VSIG10: variants seen among roughly 807,000 people sequenced by gnomAD.
VSIG10 encodes V-set and immunoglobulin domain containing 10, also known as V-set and immunoglobulin domain-containing protein 10.
VSIG10 carries 48 observed loss-of-function variants against 58.7 expected under a neutral mutation model. The observed-to-expected ratio is 0.82, with a 90% CI of 0.65 to 1.04. The LOEUF (loss-of-function observed/expected upper bound fraction) is 1.04, where lower values mean the gene tolerates loss of function less well. Ranked by LOEUF, VSIG10 falls within the 50% of genes least tolerant of loss-of-function variation. The pLI is 0.00. For synonymous variants in VSIG10, 260 were observed against 267.1 expected (o/e 0.97, Z 0.26); for missense variants, 628 against 670.0 (o/e 0.94, Z 0.69).
chr12:118,071,076 A>AGAAAG lies in VSIG10; in HGVS notation c.1331-14_1331-10dup. On this transcript the variant is annotated splice_polypyrimidine_tract_variant and intron_variant, in intron 6 of 8. Coordinates refer to ENST00000359236, the MANE Select transcript of VSIG10 (RefSeq NM_019086.6). ...CCTGGAAGTGTTTCCTACTGAAGAGAGAAAGGAAAAACCATTAATATCCAG... is the reference window on the plus strand; with the variant it reads ...CCTGGAAGTGTTTCCTACTGAAGAGAGAAAGGAAAGGAAAAACCATTAATATCCAG... 6.3e-7 allele frequency: 1 copy of AGAAAG among 1,594,932 alleles called. No individual in the cohort carries two copies. Among genetic ancestry groups the AGAAAG allele is most frequent in the Non-Finnish European group, 8.5e-7 (1 of 1,170,064 alleles).
intron 1 of VSIG10, among the ~76,000 whole-genome samples, chr12:118,098,624 G>C (rs529670421): frequency 3.4e-4 from 51 of 152,230 alleles, no homozygotes; most frequent in Admixed American, 9.2e-4. Flanking sequence ...AGGCCTCAGA[G>C]AAAGGGCTCC....
At chr12:118,084,737 G>T (rs2033067435) in intron 2 of VSIG10, among the ~76,000 whole-genome samples, 1 of 152,108 alleles carries the variant, frequency 6.6e-6, no homozygotes, top group African/African-American at 2.4e-5. Context: ...AAATCAGCTG[G>T]GCGTGGTAGA....
chr12:118,071,560 G>A (rs1337276401), intron 5 of VSIG10, 91 bp from the exon 6 acceptor site: 1 of 1,200,458 alleles, frequency 8.3e-7, no homozygotes, highest in South Asian at 1.3e-5. Context: ...TCCAGTTCTT[G>A]TCTTGATTCC....
intron 2 of VSIG10, among the ~76,000 whole-genome samples, chr12:118,090,533 C>T (rs1483036237): frequency 9.2e-5 from 14 of 152,140 alleles, no homozygotes; most frequent in Non-Finnish European, 2.1e-4. Flanking sequence ...ATATTTCACA[C>T]GGCCTGCCCT....
At chr12:118,078,640 G>A (rs1303083099) in intron 4 of VSIG10, among the ~76,000 whole-genome samples, 2 of 151,970 alleles carry the variant, frequency 1.3e-5, no homozygotes, top group Non-Finnish European at 2.9e-5. Flanking sequence ...ACGGAACTAT[G>A]AGCAAATAAA....
At chr12:118,100,107 C>T (rs2033584302) in intron 1 of VSIG10, among the ~76,000 whole-genome samples, 1 of 152,188 alleles carries the variant, frequency 6.6e-6, no homozygotes, top group Non-Finnish European at 1.5e-5. Context: ...CGGTGGCTCA[C>T]GCCTGTAATC....
chr12:118,065,266 C>T lies in VSIG10; in HGVS notation c.*1373G>A, dbSNP rs1398654825. 1 of 152,246 alleles carries T rather than the reference C, an allele frequency of 6.6e-6. No individual in the cohort carries two copies. Among genetic ancestry groups the T allele is most frequent in the Non-Finnish European group, 1.5e-5 (1 of 68,042 alleles). 9.4% of individuals were successfully genotyped at this position (152,246 alleles called of 1,614,324 possible). A position where few individuals can be genotyped will look rare whatever the true frequency, so the allele number is the denominator to read the frequency against. On this transcript the variant is annotated 3_prime_UTR_variant, in exon 9 of 9. Transcript: ENST00000359236. The stretch of plus-strand genomic sequence containing the variant: ...CAAGCAATTCTTATCACCAGATACT[C>T]CGTTATTAAACGTGTCTCCTGCCTT...
intron 2 of VSIG10, among the ~76,000 whole-genome samples, chr12:118,086,616 C>T (rs969246138): frequency 6.6e-6 from 1 of 151,980 alleles, no homozygotes; most frequent in Admixed American, 6.6e-5. Flanking sequence ...GCTGTGTGGC[C>T]GGGTAAGATG....
At chr12:118,075,208 ATATATGTGTGTGTGTG>A (rs2032678457) in intron 4 of VSIG10, among the ~76,000 whole-genome samples, 4 of 150,470 alleles carry the variant, frequency 2.7e-5, no homozygotes, top group Admixed American at 6.7e-5. Flanking sequence ...GTGTGTGTGT[ATATATGTGTGTGTGTG>A]TATATATATA....
intron 2 of VSIG10, among the ~76,000 whole-genome samples, chr12:118,092,615 T>C (rs751254199): frequency 1.3e-5 from 2 of 150,558 alleles, no homozygotes; most frequent in African/African-American, 2.4e-5. Context: ...CATTTCAATT[T>C]CATTTCATAT....
chr12:118,085,019 G>A (rs183520557), intron 2 of VSIG10, among the ~76,000 whole-genome samples: 7 of 152,008 alleles, frequency 4.6e-5, no homozygotes, highest in African/African-American at 9.6e-5. Flanking sequence ...ACTCCGTCTC[G>A]AACAAACAAA....
At chr12:118,068,043 T>TTTTC (rs1414581904) in intron 8 of VSIG10, among the ~76,000 whole-genome samples, 3 of 145,494 alleles carry the variant, frequency 2.1e-5, no homozygotes, top group African/African-American at 7.7e-5. Flanking sequence ...TTTTTTTTTT[T>TTTTC]TTCTGAGGCA....
intron 3 of VSIG10, among the ~76,000 whole-genome samples, chr12:118,081,484 T>C (rs574668925): frequency 6.6e-6 from 1 of 151,922 alleles, no homozygotes; most frequent in South Asian, 2.1e-4. Flanking sequence ...ACTGAGCCCA[T>C]TCAATTGTAC....
rs745877270 is a variant in VSIG10, at chr12:118,066,700, TG to T, written c.1568-7del. 15 of 1,595,920 alleles carry T rather than the reference TG, an allele frequency of 9.4e-6. No homozygotes were observed. The highest frequency in any genetic ancestry group is 1.2e-5 in the Non-Finnish European group (14 of 1,169,884). The stretch of plus-strand genomic sequence containing the variant: ...TTGCTCCTCACTGCTGTCATCTGTA[TG>T]GGGGGAAATAAACCCAATGCTTTGT... On this transcript the variant is annotated splice_polypyrimidine_tract_variant and splice_region_variant and intron_variant, in intron 8 of 8. Transcript: ENST00000359236.
intron 1 of VSIG10, among the ~76,000 whole-genome samples, chr12:118,098,785 T>A (rs1308579754): frequency 6.6e-6 from 1 of 152,202 alleles, no homozygotes; most frequent in Non-Finnish European, 1.5e-5. Context: ...AGCCGCAGCA[T>A]GTTAGAAATA....
rs201990378 is a variant in VSIG10 at position 118,073,477 on chromosome 12, GTGTATAGA to G, written c.1219+214_1219+221del. Among the ~76,000 whole-genome samples the G allele has an allele frequency of 9.8e-3, 1,491 of 152,296 alleles. 22 individuals carry two copies. Among genetic ancestry groups the G allele is most frequent in the African/African-American group, 0.034 (1,396 of 41,546 alleles). On this transcript the variant is annotated intron_variant, in intron 5 of 8. Coordinates refer to ENST00000359236, the MANE Select transcript of VSIG10 (RefSeq NM_019086.6). The stretch of plus-strand genomic sequence containing the variant: ...ATACACTAGATATCTATTCGTTGGT[GTGTATAGA>G]TATTATGTAATTTTTGCTACCTATG...
In VSIG10 at chr12:118,073,945, C is replaced by A; in HGVS notation, c.973G>T (p.Gly325Cys). 6.2e-7 allele frequency: 1 copy of A among 1,604,208 alleles called. No homozygotes were observed. The highest frequency in any genetic ancestry group is 8.5e-7 in the Non-Finnish European group (1 of 1,173,918). Residue 325 changes from glycine (G) to cysteine (C), a missense_variant, in exon 5 of 9, where the codon GGC becomes TGC. Gly to Cys is a radical substitution (Grantham distance 159, BLOSUM62 -3). Coordinates refer to ENST00000359236, the MANE Select transcript of VSIG10 (RefSeq NM_019086.6). Reference sequence around the variant, plus strand: ...ACCTGGCATGTAAGCGTCACATTGCCCCCAGTGAAGCAAGTCTTCATGGGC... The same window carrying A: ...ACCTGGCATGTAAGCGTCACATTGCACCCAGTGAAGCAAGTCTTCATGGGC... ...SEPMKTCFTG[G>C]NVTLTCQVSG...
chr12:118,074,481 AT>A lies in VSIG10; in HGVS notation c.926-490del, dbSNP rs775667191. 9.3e-3 allele frequency among the ~76,000 whole-genome samples: 1,271 copies of A among 136,770 alleles called. 11 individuals carry two copies. The highest frequency in any genetic ancestry group is 0.025 in the African/African-American group (928 of 37,438). The allele number at this position is 136,770 out of a possible 152,430, so 89.7% of individuals were successfully genotyped here. A position where few individuals can be genotyped will look rare whatever the true frequency, so the allele number is the denominator to read the frequency against. ...AAATGGAAAATTTCAGAAATGAACA[AT>A]TTTTTTTTTTTTTTGAGATGGAGTC... is the stretch of plus-strand genomic sequence containing the variant. On this transcript the variant is annotated intron_variant, in intron 4 of 8. Coordinates refer to ENST00000359236, the MANE Select transcript of VSIG10 (RefSeq NM_019086.6).
chr12:118,098,655 G>A (rs2033539726), intron 1 of VSIG10, among the ~76,000 whole-genome samples: 1 of 152,172 alleles, frequency 6.6e-6, no homozygotes, highest in African/African-American at 2.4e-5. Context: ...TAGGGCAAAT[G>A]TCAGGAAACA....
Sources: allele counts gnomAD v4.1 joint callset (sites outside exome capture counted in the v4.1 genomes callset), GRCh38; gene constraint gnomAD v4.1.1; transcripts MANE v1.5; gene names NCBI Gene and HGNC (gene_info 2026-07-23, HGNC 2026-07-21).